The following SLC35F4 variants were observed in gnomAD, a reference collection of about 807,000 sequenced individuals.
SLC35F4 encodes the protein chromosome 14 open reading frame 36.
SLC35F4 carries 24 observed loss-of-function variants against 44.2 expected under a neutral mutation model. The ratio of observed to expected loss-of-function variants is 0.54; its 90% CI spans 0.39 to 0.76. The LOEUF (loss-of-function observed/expected upper bound fraction) is 0.76. SLC35F4 is among the 30% of genes least tolerant of loss of function. The pLI, the probability that SLC35F4 is intolerant of heterozygous loss-of-function variation, is 0.00. For synonymous variants in SLC35F4, 238 were observed against 223.6 expected (o/e 1.06, Z -0.57); for missense variants, 562 against 586.1 (o/e 0.96, Z 0.42).
chr14:57,635,627 G>T (rs923713524), intron 1 of SLC35F4, among the ~76,000 whole-genome samples: 1 of 152,064 alleles, frequency 6.6e-6, no homozygotes, highest in African/African-American at 2.4e-5. Flanking sequence ...TTGAGGTTGA[G>T]ATGAAGCCAG....
chr14:57,701,769 T>C (rs2075548027), intron 1 of SLC35F4, among the ~76,000 whole-genome samples: 1 of 152,194 alleles, frequency 6.6e-6, no homozygotes, highest in African/African-American at 2.4e-5. Flanking sequence ...ATAACTGATA[T>C]GGAAGTCGAA....
At chr14:57,831,399 G>C (rs997423993) in intron 1 of SLC35F4, among the ~76,000 whole-genome samples, 2 of 152,148 alleles carry the variant, frequency 1.3e-5, no homozygotes, top group Non-Finnish European at 2.9e-5. Flanking sequence ...GGTATTTTGT[G>C]ATAGCAGCCC....
At chr14:57,930,216 G>C (rs993028389) in intron 1 of SLC35F4, among the ~76,000 whole-genome samples, 1 of 152,174 alleles carries the variant, frequency 6.6e-6, no homozygotes, top group Non-Finnish European at 1.5e-5. Context: ...TTGCCTTCTT[G>C]TTCACAAGAG....
intron 1 of SLC35F4, among the ~76,000 whole-genome samples, chr14:57,756,147 G>A (rs2076989593): frequency 1.3e-5 from 2 of 151,734 alleles, no homozygotes; most frequent in Admixed American, 1.3e-4. Context: ...TTTTTTTCTA[G>A]TCTCTTAAGA....
At chr14:57,688,158 GA>G (rs1303649980) in intron 1 of SLC35F4, among the ~76,000 whole-genome samples, 44 of 152,172 alleles carry the variant, frequency 2.9e-4, no homozygotes, top group African/African-American at 1.0e-3. Context: ...GGTTACTAAT[GA>G]GGAAAAGAGA....
intron 1 of SLC35F4, among the ~76,000 whole-genome samples, chr14:57,957,678 C>A (rs1356617477): frequency 6.6e-6 from 1 of 152,104 alleles, no homozygotes; most frequent in Admixed American, 6.6e-5. Flanking sequence ...AGGATAGAGG[C>A]AGAGAAGGAG....
chr14:57,689,793 G>A (rs1008148219), intron 1 of SLC35F4, among the ~76,000 whole-genome samples: 1 of 151,548 alleles, frequency 6.6e-6, no homozygotes, highest in African/African-American at 2.4e-5. Context: ...TGTAAATGAC[G>A]AGTTAATGGG....
chr14:57,765,592 T>A (rs372760125), intron 1 of SLC35F4, among the ~76,000 whole-genome samples: 14 of 152,388 alleles, frequency 9.2e-5, no homozygotes, highest in African/African-American at 3.4e-4. Flanking sequence ...TCAACAGTAT[T>A]AATTTTTAAA....
chr14:57,588,706 G>A (rs1020326494), intron 3 of SLC35F4, among the ~76,000 whole-genome samples: 5 of 152,152 alleles, frequency 3.3e-5, no homozygotes, highest in African/African-American at 7.2e-5. Context: ...CAAACTCCCC[G>A]TTGCATGAAA....
In SLC35F4 at chr14:57,895,011, T is replaced by C. The variant is rs142166172; in HGVS notation, n.282+86902A>G. Among the ~76,000 whole-genome samples the C allele has an allele frequency of 5.3e-5, 8 of 152,262 alleles. No individual in the cohort carries two copies. The East Asian group carries it at 1.5e-3, about 29-fold the overall frequency. On this transcript the variant is annotated intron_variant and non_coding_transcript_variant, in intron 1 of 1. Coordinates refer to the SLC35F4 transcript ENST00000556568. ...CACTGCCAGGTCAAACCAAAGAGTA[T>C]GCATTGAGTGCCTAATTTGGGCAGT... is the stretch of plus-strand genomic sequence containing the variant.
rs372573599 is a variant in SLC35F4 at position 57,581,219 on chromosome 14, C to T, written c.802G>A (p.Val268Met). The change falls in exon 4 of 8, where the codon GTG (valine) becomes ATG (methionine). Residue 268 changes from valine (V) to methionine (M), a missense_variant. Transcript: ENST00000556826. ...WIVLKDRFMG[V>M]RIVAAIMAIT... ...TGAATCAAGTATGCCATTACCCTCA[C>T]TCCCATGAACCTGTCTTTCAGCACA... The T allele has an allele frequency of 9.6e-6, 15 of 1,556,714 alleles. No homozygotes were observed. In the African/African-American group the frequency reaches 1.8e-4, roughly 19 times the overall value.
intron 1 of SLC35F4, among the ~76,000 whole-genome samples, chr14:57,796,797 C>T (rs2078063665): frequency 6.6e-6 from 1 of 152,166 alleles, no homozygotes. Context: ...TTCACATGAG[C>T]ACACACTTGC....
At chr14:57,591,348 T>A (rs548764336) in intron 2 of SLC35F4, among the ~76,000 whole-genome samples, 19 of 152,098 alleles carry the variant, frequency 1.2e-4, no homozygotes, top group Admixed American at 7.9e-4. Context: ...CTGAGATGAG[T>A]CTGGAAGTGT....
At chr14:57,862,629 T>C (rs1887779985) in intron 1 of SLC35F4, among the ~76,000 whole-genome samples, 1 of 152,224 alleles carries the variant, frequency 6.6e-6, no homozygotes, top group South Asian at 2.1e-4. Flanking sequence ...CTATTCCCAC[T>C]GCCCAGAATG....
At chr14:57,727,137 CA>C (rs2076225361) in intron 1 of SLC35F4, among the ~76,000 whole-genome samples, 1 of 120,160 alleles carries the variant, frequency 8.3e-6, no homozygotes, top group Non-Finnish European at 1.8e-5. Context: ...TATATATGTA[CA>C]TATATATATA....
chr14:57,590,226 C>CAA lies in SLC35F4; in HGVS notation c.290-715_290-714dup, dbSNP rs55850524. Among the ~76,000 whole-genome samples the CAA allele has an allele frequency of 7.2e-3, 860 of 119,034 alleles. 8 individuals carry two copies. Among genetic ancestry groups the CAA allele is most frequent in the East Asian group, 0.02 (75 of 3,824 alleles). 78.1% of individuals were successfully genotyped at this position (119,034 alleles called of 152,430 possible). On this transcript the variant is annotated intron_variant, in intron 2 of 7. Coordinates refer to ENST00000556826, the MANE Select transcript of SLC35F4 (RefSeq NM_001306087.2). Reference sequence around the variant, plus strand: ...CCAAGAAAGAGAGACCTTGTCTATGCAAAAAAAAAAAAAAAAATTAGCCGT... The same window carrying CAA: ...CCAAGAAAGAGAGACCTTGTCTATGCAAAAAAAAAAAAAAAAAAATTAGCCGT...
At chr14:57,677,746 C>T (rs2074745537) in intron 1 of SLC35F4, among the ~76,000 whole-genome samples, 1 of 151,772 alleles carries the variant, frequency 6.6e-6, no homozygotes, top group Admixed American at 6.6e-5. Context: ...AAATGATACA[C>T]TGTGGAAAAT....
rs1289297157 is a variant in SLC35F4, at chr14:57,578,143, C to T, written c.807+3071G>A. ...CACTCTGTTCATGGTGTTCTTTTTA[C>T]ATTAAAAAAAAAAATTAGAAGTAGG... is the stretch of plus-strand genomic sequence containing the variant. On this transcript the variant is annotated intron_variant, in intron 4 of 7. Coordinates refer to ENST00000556826, the MANE Select transcript of SLC35F4 (RefSeq NM_001306087.2). Among the ~76,000 whole-genome samples, 4 of 149,442 alleles carry T rather than the reference C, an allele frequency of 2.7e-5. No individual in the cohort carries two copies. The South Asian group carries it at 8.5e-4, about 32-fold the overall frequency.
intron 1 of SLC35F4, among the ~76,000 whole-genome samples, chr14:57,936,321 G>A (rs1594636634): frequency 6.6e-6 from 1 of 150,948 alleles, no homozygotes. Flanking sequence ...AAGGCTCATA[G>A]GGAATATAAA....
Sources: gnomAD v4.1 joint callset for allele counts (sites outside exome capture counted in the v4.1 genomes callset) on GRCh38, gnomAD v4.1.1 for gene constraint, MANE v1.5 for transcripts, NCBI Gene and HGNC (gene_info 2026-07-23, HGNC 2026-07-21) for gene names.